SLC13A4: variants seen among roughly 807,000 people sequenced by gnomAD.
SLC13A4 encodes the protein Na(+)/sulfate cotransporter SUT-1.
Under a neutral mutation model 72.7 loss-of-function variants are expected in SLC13A4, and 28 were observed. The observed-to-expected ratio is 0.39, with a 90% CI of 0.29 to 0.53. The LOEUF (loss-of-function observed/expected upper bound fraction) is 0.53, where lower values mean the gene tolerates loss of function less well. Among genes scored for constraint, SLC13A4 ranks in the 20% least tolerant of loss-of-function variants. The pLI, the probability that SLC13A4 is intolerant of heterozygous loss-of-function variation, is 0.78. For synonymous variants in SLC13A4, 312 were observed against 325.5 expected (o/e 0.96, Z 0.45); for missense variants, 653 against 788.0 (o/e 0.83, Z 2.05).
At chr7:135,701,812 G>C in intron 6 of SLC13A4, 52 bp from the exon 7 acceptor site, 20 of 1,581,178 alleles carry the variant, frequency 1.3e-5, no homozygotes, top group Non-Finnish European at 1.7e-5. Flanking sequence ...GGTGAGCCAG[G>C]TGCCTCGAGA....
chr7:135,727,658 C>A lies in SLC13A4; in HGVS notation c.-162G>T. Reference sequence around the variant, plus strand: ...CAGAACGGGAGGGCAGTTATACCCTCGCTGTTTCTACAAGAGGCTGGGCTC... The same window carrying A: ...CAGAACGGGAGGGCAGTTATACCCTAGCTGTTTCTACAAGAGGCTGGGCTC... On this transcript the variant is annotated 5_prime_UTR_variant, in exon 1 of 16. Coordinates refer to ENST00000682651, the MANE Select transcript of SLC13A4 (RefSeq NM_001318192.2). 1.2e-6 allele frequency: 1 copy of A among 821,288 alleles called. No homozygotes were observed. The highest frequency in any genetic ancestry group is 1.8e-6 in the Non-Finnish European group (1 of 553,454). 50.9% of individuals were successfully genotyped at this position (821,288 alleles called of 1,614,324 possible). A position where few individuals can be genotyped will look rare whatever the true frequency, so the allele number is the denominator to read the frequency against.
At chr7:135,719,667 A>G (rs1038245826) in intron 2 of SLC13A4, among the ~76,000 whole-genome samples, 1 of 152,060 alleles carries the variant, frequency 6.6e-6, no homozygotes, top group Non-Finnish European at 1.5e-5. Context: ...TAGCTTTTAC[A>G]TGGGTCCCCA....
intron 8 of SLC13A4, among the ~76,000 whole-genome samples, chr7:135,698,471 A>T (rs1334293775): frequency 1.4e-5 from 2 of 142,240 alleles, no homozygotes; most frequent in Non-Finnish European, 3.0e-5. Context: ...AGTAGCGGGG[A>T]TTACAGGCGC....
rs144163015 is a variant in SLC13A4, at chr7:135,697,773, T to G, written c.899+1591A>C. ...AGCTCCCTGGCCTCCTCTTACCCTC[T>G]GTCGTTTTCTTTTATGTGCTCCGCT... On this transcript the variant is annotated intron_variant, in intron 8 of 15. Transcript: ENST00000682651. Among the ~76,000 whole-genome samples, 569 of 152,244 alleles carry G rather than the reference T, an allele frequency of 3.7e-3. 2 individuals carry two copies. The highest frequency in any genetic ancestry group is 0.013 in the African/African-American group (536 of 41,536).
At chr7:135,716,611 C>T (rs1790281003) in intron 2 of SLC13A4, among the ~76,000 whole-genome samples, 1 of 152,180 alleles carries the variant, frequency 6.6e-6, no homozygotes, top group Non-Finnish European at 1.5e-5. Context: ...CAGTGCCCAG[C>T]CCATAATTTA....
chr7:135,697,308 T>G (rs1795924834), intron 8 of SLC13A4, among the ~76,000 whole-genome samples: 1 of 152,254 alleles, frequency 6.6e-6, no homozygotes, highest in African/African-American at 2.4e-5. Context: ...CATCTCAGCC[T>G]CTATGCCACT....
chr7:135,699,320 CAGT>C, intron 8 of SLC13A4, 41 bp downstream of exon 8: 5 of 1,539,778 alleles, frequency 3.2e-6, no homozygotes, highest in Non-Finnish European at 4.4e-6. Flanking sequence ...TCCTGACACA[CAGT>C]GGTGGTTAGT....
At chr7:135,698,219 G>T (rs1795948106) in intron 8 of SLC13A4, among the ~76,000 whole-genome samples, 2 of 151,880 alleles carry the variant, frequency 1.3e-5, no homozygotes, top group Admixed American at 1.3e-4. Context: ...GTTTAGTAGA[G>T]ATGGGGTTTC....
At chr7:135,686,960 G>A (rs986446014) in intron 13 of SLC13A4, among the ~76,000 whole-genome samples, 3 of 152,172 alleles carry the variant, frequency 2.0e-5, no homozygotes, top group African/African-American at 7.2e-5. Context: ...AGGAGGCAGA[G>A]GCAGGAGAAT....
At chr7:135,701,946 C>A in intron 6 of SLC13A4, 186 bp from the exon 7 acceptor site, 1 of 546,654 alleles carries the variant, frequency 1.8e-6, no homozygotes, top group East Asian at 3.2e-5. Context: ...AGCCTGGTGT[C>A]AAGTTCTCCA....
intron 2 of SLC13A4, among the ~76,000 whole-genome samples, chr7:135,712,080 T>C (rs1177463629): frequency 7.1e-6 from 1 of 139,932 alleles, no homozygotes; most frequent in Non-Finnish European, 1.5e-5. Flanking sequence ...CATCTCAGTC[T>C]CCCAAAGTGC....
chr7:135,719,247 C>T (rs535265771), intron 2 of SLC13A4, among the ~76,000 whole-genome samples: 20 of 152,332 alleles, frequency 1.3e-4, no homozygotes, highest in Admixed American at 3.3e-4. Context: ...GGGCGTCCCT[C>T]GGATAACTGT....
intron 8 of SLC13A4, among the ~76,000 whole-genome samples, chr7:135,697,921 C>T (rs1795939963): frequency 6.6e-6 from 1 of 152,244 alleles, no homozygotes; most frequent in East Asian, 1.9e-4. Flanking sequence ...TTCCTCCCTG[C>T]AAATGGGCGA....
intron 2 of SLC13A4, among the ~76,000 whole-genome samples, chr7:135,719,825 G>T (rs1563171401): frequency 6.6e-6 from 1 of 150,466 alleles, no homozygotes; most frequent in South Asian, 2.1e-4. Flanking sequence ...GTGTGTGTGT[G>T]TGTATAGCCA....
At chr7:135,708,352 T>C (rs1441973642) in intron 2 of SLC13A4, 102 bp from the exon 3 acceptor site, 1 of 1,498,928 alleles carries the variant, frequency 6.7e-7, no homozygotes, top group Non-Finnish European at 9.1e-7. Flanking sequence ...CTGTTCTCAA[T>C]CAAAGAGGCT....
chr7:135,691,431 G>A (rs1033724337), intron 12 of SLC13A4, 106 bp from the exon 13 acceptor site: 17 of 746,350 alleles, frequency 2.3e-5, no homozygotes, highest in Admixed American at 2.0e-4. Context: ...GCTATTTGGG[G>A]CGGGGGCCGG....
chr7:135,695,353 G>A lies in SLC13A4; in HGVS notation c.1019+15C>T, dbSNP rs1167954410. On this transcript the variant is annotated intron_variant, in intron 9 of 15. Coordinates refer to ENST00000682651, the MANE Select transcript of SLC13A4 (RefSeq NM_001318192.2). ...GGGGGCTTCAGTGCTTTGCTGAAAG[G>A]GCCCTGGAACTCACTTGCAGCCCAG... The A allele has an allele frequency of 6.2e-7, 1 of 1,613,592 alleles. No individual in the cohort carries two copies. The highest frequency in any genetic ancestry group is 8.5e-7 in the Non-Finnish European group (1 of 1,179,770).
In SLC13A4 at chr7:135,721,520, C is replaced by T. The variant is rs772073076; in HGVS notation, c.103G>A (p.Ala35Thr). The change falls in exon 2 of 16, where the codon GCC becomes ACC. Residue 35 changes from alanine to threonine, a missense_variant. Transcript: ENST00000682651. ...ACGATCAGCACGTAAGCACACGAGG[C>T]CTCCTGCAAGGCAAGGAAAGGGGCC... ...PLPVLHPSSE[A>T]SCAYVLIVTA... 1 of 1,613,910 alleles carries T rather than the reference C, an allele frequency of 6.2e-7. No individual in the cohort carries two copies. Among genetic ancestry groups the T allele is most frequent in the South Asian group, 1.1e-5 (1 of 91,074 alleles).
At chr7:135,692,902 C>T (rs993068537) in intron 10 of SLC13A4, 1 of 154,564 alleles carries the variant, frequency 6.5e-6, no homozygotes, top group African/African-American at 2.4e-5. Context: ...GAGATGGAGA[C>T]CATCCTGGCT....
Sources: allele counts gnomAD v4.1 joint callset (sites outside exome capture counted in the v4.1 genomes callset), GRCh38; gene constraint gnomAD v4.1.1; transcripts MANE v1.5; gene names NCBI Gene and HGNC (gene_info 2026-07-23, HGNC 2026-07-21).